Variants in NEK11 observed in about 807,000 individuals in gnomAD.
The protein encoded by NEK11 is serine/threonine-protein kinase Nek11.
Under a neutral mutation model 80.7 loss-of-function variants are expected in NEK11, and 72 were observed. The ratio of observed to expected loss-of-function variants is 0.89; its 90% CI spans 0.74 to 1.08. The LOEUF is 1.08. NEK11 is among the 50% of genes least tolerant of loss of function. The pLI, the probability that NEK11 is intolerant of heterozygous loss-of-function variation, is 0.00. For missense variants in NEK11, 764 were observed against 763.6 expected, an observed-to-expected ratio of 1.00 and a Z score of -0.01; for synonymous variants, 251 against 260.7, an observed-to-expected ratio of 0.96 and a Z score of 0.36.
chr3:131,077,707 A>C (rs2074591951), intron 3 of NEK11, among the ~76,000 whole-genome samples: 1 of 152,212 alleles, frequency 6.6e-6, no homozygotes, highest in Non-Finnish European at 1.5e-5. Context: ...GGGGTACAGT[A>C]AATTACTGAA....
chr3:131,076,030 G>C (rs772939573), intron 3 of NEK11, among the ~76,000 whole-genome samples: 9 of 152,144 alleles, frequency 5.9e-5, no homozygotes, highest in Non-Finnish European at 1.2e-4. Context: ...TCTTGATGCA[G>C]CTCACACTCA....
At chr3:131,151,896 T>C (rs558456844) in intron 7 of NEK11, among the ~76,000 whole-genome samples, 175 of 152,250 alleles carry the variant, frequency 1.1e-3, no homozygotes, top group African/African-American at 4.1e-3. Flanking sequence ...TGCAAATGGA[T>C]TATATTCAGA....
intron 14 of NEK11, among the ~76,000 whole-genome samples, chr3:131,194,592 TG>T (rs1184051980): frequency 6.6e-6 from 1 of 152,054 alleles, no homozygotes; most frequent in African/African-American, 2.4e-5. Context: ...CTATTTACAT[TG>T]TTTTTATAAA....
intron 4 of NEK11, among the ~76,000 whole-genome samples, chr3:131,106,286 CTTT>C (rs11305818): frequency 7.1e-6 from 1 of 140,084 alleles, no homozygotes; most frequent in Non-Finnish European, 1.6e-5. Flanking sequence ...CCTGTTAGGG[CTTT>C]TTTTTTTTTT....
intron 16 of NEK11, among the ~76,000 whole-genome samples, chr3:131,264,715 T>A (rs573994920): frequency 0.05 from 7,596 of 152,266 alleles, 532 homozygotes; most frequent in African/African-American, 0.16. Context: ...TGGTTCCATA[T>A]GAACTTTAAA....
At chr3:131,280,075 C>G (rs917341305) in intron 17 of NEK11, among the ~76,000 whole-genome samples, 5 of 152,278 alleles carry the variant, frequency 3.3e-5, no homozygotes, top group African/African-American at 1.2e-4. Context: ...ATCCACCTCA[C>G]TAAAAAGCTC....
In NEK11 at chr3:131,026,932, C is replaced by A. The variant is rs1324002345; in HGVS notation, c.-244C>A. On this transcript the variant is annotated 5_prime_UTR_variant, in exon 1 of 18. Transcript: ENST00000383366. ...CTGGCGCTCGGTGGGTGTGGTTGCC[C>A]CTAGTTTGAGGCCTGCCCGATTACC... The A allele has an allele frequency of 6.6e-6, 1 of 152,192 alleles. No individual in the cohort carries two copies. The highest frequency in any genetic ancestry group is 1.5e-5 in the Non-Finnish European group (1 of 68,122). The allele number at this position is 152,192 out of a possible 1,614,324, so 9.4% of individuals were successfully genotyped here.
chr3:131,265,809 C>T (rs1435828466), intron 16 of NEK11, among the ~76,000 whole-genome samples: 1 of 152,108 alleles, frequency 6.6e-6, no homozygotes, highest in African/African-American at 2.4e-5. Context: ...TTCTTTGTAC[C>T]TCTGGTAGAA....
Position 131,230,147 on chromosome 3 carries a change from T to C in NEK11, c.1560+1459T>C, listed in dbSNP as rs549420707. Among the ~76,000 whole-genome samples the C allele has an allele frequency of 2.3e-3, 195 of 85,106 alleles. 1 individual carries two copies. Among genetic ancestry groups the C allele is most frequent in the South Asian group, 3.7e-3 (8 of 2,136 alleles). The allele number at this position is 85,106 out of a possible 152,430, so 55.8% of individuals were successfully genotyped here. Reference sequence around the variant, plus strand: ...GTCAAAGCATCAAGCGGTAAAATTTTAGCTACTAATATTCACTTAGAAATG... The same window carrying C: ...GTCAAAGCATCAAGCGGTAAAATTTCAGCTACTAATATTCACTTAGAAATG... On this transcript the variant is annotated intron_variant, in intron 15 of 17. Coordinates refer to ENST00000383366, the MANE Select transcript of NEK11 (RefSeq NM_024800.5).
chr3:131,093,837 C>T (rs974989867), intron 4 of NEK11, among the ~76,000 whole-genome samples: 1 of 151,846 alleles, frequency 6.6e-6, no homozygotes, highest in Non-Finnish European at 1.5e-5. Flanking sequence ...AGTCTAGTTC[C>T]CTGCAAAAGC....
intron 17 of NEK11, among the ~76,000 whole-genome samples, chr3:131,320,856 A>T (rs1203963494): frequency 2.0e-5 from 3 of 152,210 alleles, no homozygotes; most frequent in Admixed American, 2.0e-4. Context: ...TAGATGACAC[A>T]AACAAATACA....
At chr3:131,245,252 C>G (rs1418004146) in intron 16 of NEK11, among the ~76,000 whole-genome samples, 1 of 151,354 alleles carries the variant, frequency 6.6e-6, no homozygotes, top group Non-Finnish European at 1.5e-5. Flanking sequence ...TTCTATGTTG[C>G]TGCAAAATTC....
chr3:131,165,160 A>G (rs1280940592), intron 11 of NEK11: 2 of 360,160 alleles, frequency 5.6e-6, no homozygotes, highest in East Asian at 5.2e-5. Context: ...CACTTGGAGA[A>G]CTCACAGAGA....
intron 15 of NEK11, among the ~76,000 whole-genome samples, chr3:131,233,015 AG>A (rs2095360775): frequency 6.6e-6 from 1 of 151,280 alleles, no homozygotes; most frequent in East Asian, 2.0e-4. Flanking sequence ...GAAGGAAGGA[AG>A]GAAGGAAGGA....
At position 131,179,305 on chromosome 3, in the gene NEK11, G is replaced by A. The variant is rs181933265; in HGVS notation, c.1399+8418G>A. ...ATGTTCTTTATAAATTACCCAGTCC[G>A]TGGTATTTTGTGACAATAGCACAGA... On this transcript the variant is annotated intron_variant, in intron 14 of 17. Transcript: ENST00000383366. 2.2e-3 allele frequency among the ~76,000 whole-genome samples: 336 copies of A among 152,284 alleles called. 3 individuals carry two copies. Among genetic ancestry groups the A allele is most frequent in the Non-Finnish European group, 3.2e-3 (218 of 68,020 alleles).
chr3:131,269,981 G>T (rs573902410), intron 16 of NEK11, among the ~76,000 whole-genome samples: 2 of 152,170 alleles, frequency 1.3e-5, no homozygotes, highest in Non-Finnish European at 2.9e-5. Flanking sequence ...ACCTGGGAAG[G>T]TTCCTCTGCC....
chr3:131,106,892 A>G (rs1296590712), intron 4 of NEK11, among the ~76,000 whole-genome samples: 1 of 152,176 alleles, frequency 6.6e-6, no homozygotes, highest in East Asian at 1.9e-4. Context: ...CAATAACACA[A>G]AGCTCACTAA....
chr3:131,156,774 T>C (rs894688637), intron 10 of NEK11, among the ~76,000 whole-genome samples: 1 of 152,188 alleles, frequency 6.6e-6, no homozygotes, highest in African/African-American at 2.4e-5. Context: ...AGTGAGTTAA[T>C]TCATGTAAAG....
intron 3 of NEK11, among the ~76,000 whole-genome samples, chr3:131,045,063 A>C (rs1210739125): frequency 2.0e-5 from 3 of 152,180 alleles, no homozygotes; most frequent in African/African-American, 7.2e-5. Context: ...AAGTTCTTTG[A>C]AATGAAGGAG....
Sources: gnomAD v4.1 joint callset for allele counts (sites outside exome capture counted in the v4.1 genomes callset) on GRCh38, gnomAD v4.1.1 for gene constraint, MANE v1.5 for transcripts, NCBI Gene and HGNC (gene_info 2026-07-23, HGNC 2026-07-21) for gene names.